CSMD1: variants seen among roughly 807,000 people sequenced by gnomAD.
CSMD1 encodes CUB and Sushi multiple domains 1, also known as CUB and sushi domain-containing protein 1.
Under a neutral mutation model 417.5 loss-of-function variants are expected in CSMD1, and 213 were observed. That is an observed-to-expected ratio of 0.51 (90% confidence interval 0.46 to 0.57). CSMD1 has a LOEUF of 0.57. Among genes scored for constraint, CSMD1 ranks in the 20% least tolerant of loss-of-function variants. The probability of loss-of-function intolerance (pLI) is 0.00; values close to 1 mark genes in which losing one functional copy is unlikely to be tolerated. For synonymous variants in CSMD1, 2,862 were observed against 1,736.8 expected (o/e 1.65, Z -16.11); for missense variants, 6,923 against 4,529.7 (o/e 1.53, Z -15.17).
At chr8:3,772,249 A>ATACATATATTTGGACATACATATG (rs1798619180) in intron 5 of CSMD1, among the ~76,000 whole-genome samples, 2 of 80,292 alleles carry the variant, frequency 2.5e-5, no homozygotes, top group Admixed American at 2.5e-4. Flanking sequence ...ATATAGATAT[A>ATACATATATTTGGACATACATATG]TACATATATT....
At chr8:4,050,658 C>G (rs1489595152) in intron 3 of CSMD1, among the ~76,000 whole-genome samples, 3 of 151,976 alleles carry the variant, frequency 2.0e-5, no homozygotes, top group African/African-American at 4.8e-5. Context: ...TATTCGTTCT[C>G]TTTTTTTGGA....
chr8:4,739,568 G>A (rs746494808), intron 1 of CSMD1, among the ~76,000 whole-genome samples: 2 of 152,146 alleles, frequency 1.3e-5, no homozygotes, highest in Non-Finnish European at 1.5e-5. Context: ...AAGATCTTTT[G>A]ACTCTAAATG....
chr8:4,255,640 A>G (rs528657307), intron 3 of CSMD1, among the ~76,000 whole-genome samples: 1 of 152,334 alleles, frequency 6.6e-6, no homozygotes, highest in African/African-American at 2.4e-5. Flanking sequence ...CTCGCACTGC[A>G]TCATTTATTT....
intron 3 of CSMD1, among the ~76,000 whole-genome samples, chr8:4,327,995 C>A (rs898949951): frequency 2.0e-4 from 30 of 152,270 alleles, no homozygotes; most frequent in Non-Finnish European, 4.1e-4. Context: ...TACCAGTAAA[C>A]TTTATTCATT....
chr8:4,232,165 G>A (rs560539438), intron 3 of CSMD1, among the ~76,000 whole-genome samples: 2 of 152,216 alleles, frequency 1.3e-5, no homozygotes, highest in South Asian at 4.2e-4. Flanking sequence ...CAAAATCCAA[G>A]TGTATTGAGA....
intron 26 of CSMD1, among the ~76,000 whole-genome samples, chr8:3,283,670 G>T (rs1362922201): frequency 2.0e-5 from 3 of 152,168 alleles, no homozygotes; most frequent in Admixed American, 1.3e-4. Context: ...AGCAGGTCAT[G>T]AAACCTTCAT....
intron 5 of CSMD1, among the ~76,000 whole-genome samples, chr8:3,959,253 A>C (rs1193543166): frequency 6.6e-6 from 1 of 152,232 alleles, no homozygotes; most frequent in African/African-American, 2.4e-5. Context: ...TAATCCCAGC[A>C]CTTTAGGATG....
At position 4,787,672 on chromosome 8, in the gene CSMD1, G is replaced by A. The variant is rs547961127; in HGVS notation, c.86-150114C>T. 421 of 1,589,410 alleles carry A rather than the reference G, an allele frequency of 2.6e-4. 3 individuals are homozygous for A. The African/African-American group carries it at 5.2e-3, about 20-fold the overall frequency. On this transcript the variant is annotated intron_variant, in intron 1 of 69. Transcript: ENST00000635120. ...ATCCTGGTGTCAAGGAAGGATATAA[G>A]TTTACCCACCTAAAGTGGAGTTGTT...
At chr8:4,412,903 G>A (rs984150749) in intron 3 of CSMD1, among the ~76,000 whole-genome samples, 1 of 152,102 alleles carries the variant, frequency 6.6e-6, no homozygotes. Flanking sequence ...TAAGATAACT[G>A]ACAACAATCA....
intron 10 of CSMD1, among the ~76,000 whole-genome samples, chr8:3,505,559 A>C (rs911400621): frequency 9.2e-5 from 14 of 152,222 alleles, no homozygotes; most frequent in African/African-American, 3.4e-4. Context: ...GTCACCTCAC[A>C]GAATTCACAC....
intron 5 of CSMD1, among the ~76,000 whole-genome samples, chr8:3,770,268 C>T (rs1337285780): frequency 6.6e-6 from 1 of 152,172 alleles, no homozygotes; most frequent in African/African-American, 2.4e-5. Context: ...TGTCTCATGC[C>T]TGTAATCCCA....
At chr8:3,775,015 A>G (rs1345199999) in intron 5 of CSMD1, among the ~76,000 whole-genome samples, 1 of 152,148 alleles carries the variant, frequency 6.6e-6, no homozygotes, top group Non-Finnish European at 1.5e-5. Flanking sequence ...AGGACCAAGC[A>G]GGATACAGGA....
At chr8:3,375,894 C>A (rs1353385529) in intron 18 of CSMD1, among the ~76,000 whole-genome samples, 2 of 152,144 alleles carry the variant, frequency 1.3e-5, no homozygotes, top group Non-Finnish European at 2.9e-5. Flanking sequence ...AGTTTATAAC[C>A]ATTTCTTCAC....
At chr8:4,128,689 C>A (rs1289839332) in intron 3 of CSMD1, among the ~76,000 whole-genome samples, 1 of 152,088 alleles carries the variant, frequency 6.6e-6, no homozygotes, top group East Asian at 1.9e-4. Context: ...TACCCCACAA[C>A]CTCACGCCCA....
chr8:3,889,112 G>A (rs181603499), intron 5 of CSMD1, among the ~76,000 whole-genome samples: 2 of 152,076 alleles, frequency 1.3e-5, no homozygotes, highest in South Asian at 2.1e-4. Context: ...CTGCAAGTTA[G>A]AAGTTTTACT....
At chr8:3,452,333 G>A (rs1815787311) in intron 12 of CSMD1, among the ~76,000 whole-genome samples, 1 of 152,144 alleles carries the variant, frequency 6.6e-6, no homozygotes, top group South Asian at 2.1e-4. Context: ...GATTGCCCTG[G>A]CCAGAACATC....
intron 10 of CSMD1, among the ~76,000 whole-genome samples, chr8:3,505,767 A>G (rs1385830923): frequency 1.3e-5 from 2 of 152,216 alleles, no homozygotes; most frequent in African/African-American, 2.4e-5. Context: ...CAAACAGGCT[A>G]TTTTATGTGA....
rs530593435 is a variant in CSMD1, at chr8:4,144,067, G to C, written c.416-111968C>G. Among the ~76,000 whole-genome samples, 7 of 151,312 alleles carry C rather than the reference G, an allele frequency of 4.6e-5. 1 individual carries two copies. Among genetic ancestry groups the C allele is most frequent in the African/African-American group, 1.2e-4 (5 of 40,622 alleles). The stretch of plus-strand genomic sequence containing the variant: ...TTTGTTGTTAGGAAATGGGGAGACG[G>C]AAGTTTTTCCTTTCCATTAACTTTA... On this transcript the variant is annotated intron_variant, in intron 3 of 69. Coordinates refer to ENST00000635120, the MANE Select transcript of CSMD1 (RefSeq NM_033225.6).
chr8:3,449,230 T>A (rs1012420975), intron 12 of CSMD1, among the ~76,000 whole-genome samples: 2 of 152,222 alleles, frequency 1.3e-5, no homozygotes, highest in African/African-American at 2.4e-5. Context: ...TGAAGAATTG[T>A]AGAGGGAAGT....
Sources: allele counts gnomAD v4.1 joint callset (sites outside exome capture counted in the v4.1 genomes callset), GRCh38; gene constraint gnomAD v4.1.1; transcripts MANE v1.5; gene names NCBI Gene and HGNC (gene_info 2026-07-23, HGNC 2026-07-21).